MED24: variants seen among roughly 807,000 people sequenced by gnomAD.
MED24 encodes mediator complex subunit 24.
MED24 carries 74 observed loss-of-function variants against 118.8 expected under a neutral mutation model. The observed-to-expected ratio is 0.62, with a 90% CI of 0.52 to 0.76. The LOEUF (loss-of-function observed/expected upper bound fraction) is 0.76. Ranked by LOEUF, MED24 falls within the 30% of genes least tolerant of loss-of-function variation. The probability of loss-of-function intolerance (pLI) is 0.00; values close to 1 mark genes in which losing one functional copy is unlikely to be tolerated. For missense variants in MED24, 1,041 were observed against 1,278.9 expected, an observed-to-expected ratio of 0.81 and a Z score of 2.84; for synonymous variants, 521 against 523.9, an observed-to-expected ratio of 0.99 and a Z score of 0.08.
In MED24 at chr17:40,029,745, C is replaced by T; in HGVS notation, c.1266+3G>A. The T allele has an allele frequency of 6.2e-7, 1 of 1,613,548 alleles. No individual in the cohort carries two copies. The highest frequency in any genetic ancestry group is 8.5e-7 in the Non-Finnish European group (1 of 1,179,466). ...TGTGGTGGCCAGGGAAGGGCACACT[C>T]ACCTTGAGGATGTTTGTGACAGTGG... On this transcript the variant is annotated splice_donor_region_variant and intron_variant, in intron 13 of 25. Coordinates refer to ENST00000394128, the MANE Select transcript of MED24 (RefSeq NM_014815.4).
At chr17:40,051,883 A>G (rs1985888072) in intron 3 of MED24, among the ~76,000 whole-genome samples, 1 of 152,148 alleles carries the variant, frequency 6.6e-6, no homozygotes, top group Admixed American at 6.6e-5. Context: ...AGATCAAGCC[A>G]TTGCACTGCA....
chr17:40,029,949 G>T, intron 12 of MED24, 90 bp from the exon 13 acceptor site: 1 of 1,178,364 alleles, frequency 8.5e-7, no homozygotes, highest in Non-Finnish European at 1.3e-6. Context: ...AAGGAAATGC[G>T]CAGAGGAGGT....
rs143588887 is a variant in MED24, at chr17:40,035,262, A to G, written c.414T>C (p.Ser138=). ...CCAGCCCCTCCCGCAGCCGCTCTGC[A>G]GAGGCTGCCGTGCAGCGCAGCAGCC... ...LHWLLRCTAA[S]AERLREGLEA... Residue 138 remains serine (S), a synonymous_variant, in exon 6 of 26, where the codon TCT becomes TCC. Transcript: ENST00000394128. 787 of 1,613,868 alleles carry G rather than the reference A, an allele frequency of 4.9e-4. No homozygotes were observed. The highest frequency in any genetic ancestry group is 6.3e-4 in the Admixed American group (38 of 60,016).
At chr17:40,023,026 A>G (rs771083518) in intron 20 of MED24, 105 bp downstream of exon 20, 29 of 1,474,202 alleles carry the variant, frequency 2.0e-5, no homozygotes, top group Admixed American at 4.2e-5. Context: ...CGGGGAGGCC[A>G]CCTGGCTCAC....
intron 3 of MED24, among the ~76,000 whole-genome samples, chr17:40,040,225 C>T (rs973449003): frequency 9.2e-5 from 14 of 151,718 alleles, no homozygotes; most frequent in African/African-American, 1.2e-4. Flanking sequence ...ACTACAGGCA[C>T]GCGCCACCAT....
In MED24 at chr17:40,031,183, C is replaced by A. The variant is rs746797832; in HGVS notation, c.1130G>T (p.Ser377Ile). The change falls in exon 12 of 26, where the codon AGC (serine) becomes ATC (isoleucine). Residue 377 changes from serine to isoleucine, a missense_variant. Transcript: ENST00000394128. ...CCGCTTAGCCATAAGGTTGTTGACGCTGGCCTCAGACAGAAGCCCCTGCTT... is the reference window on the plus strand; with the variant it reads ...CCGCTTAGCCATAAGGTTGTTGACGATGGCCTCAGACAGAAGCCCCTGCTT... Reference protein sequence around the residue: ...CGKQGLLSEASVNNLMAKRKA... With the variant: ...CGKQGLLSEAIVNNLMAKRKA... 2 of 1,571,154 alleles carry A rather than the reference C, an allele frequency of 1.3e-6. No homozygotes were observed. The highest frequency in any genetic ancestry group is 1.9e-5 in the Admixed American group (1 of 53,338).
intron 3 of MED24, among the ~76,000 whole-genome samples, chr17:40,043,245 T>A (rs1226897787): frequency 6.6e-6 from 1 of 152,132 alleles, no homozygotes; most frequent in Non-Finnish European, 1.5e-5. Context: ...CTGTTGTTAA[T>A]AATGAGATTT....
At chr17:40,027,116 C>G (rs1383788633) in intron 16 of MED24, 82 bp from the exon 17 acceptor site, 1 of 1,510,610 alleles carries the variant, frequency 6.6e-7, no homozygotes, top group Non-Finnish European at 9.0e-7. Context: ...GCACTGTTTC[C>G]CGCCAGGCTG....
chr17:40,021,892 T>A, intron 23 of MED24, 63 bp downstream of exon 23: 1 of 1,207,964 alleles, frequency 8.3e-7, no homozygotes, highest in Non-Finnish European at 1.2e-6. Context: ...AGCGGCAGAG[T>A]GGCAGCATCG....
Position 40,019,465 on chromosome 17 carries a change from C to T in MED24, c.*64G>A, listed in dbSNP as rs1283365106. Reference sequence around the variant, plus strand: ...CACGATGCCTCATCTTTCCTCACTGCTTCCCTTGGAGGCGCCTGGGGCTGC... The same window carrying T: ...CACGATGCCTCATCTTTCCTCACTGTTTCCCTTGGAGGCGCCTGGGGCTGC... On this transcript the variant is annotated 3_prime_UTR_variant, in exon 26 of 26. Coordinates refer to ENST00000394128, the MANE Select transcript of MED24 (RefSeq NM_014815.4). The T allele has an allele frequency of 1.2e-5, 17 of 1,391,236 alleles. No individual in the cohort carries two copies. In the East Asian group the frequency reaches 3.4e-4, roughly 28 times the overall value. 86.2% of individuals were successfully genotyped at this position (1,391,236 alleles called of 1,614,324 possible).
intron 3 of MED24, among the ~76,000 whole-genome samples, chr17:40,052,721 C>T (rs1985986381): frequency 6.6e-6 from 1 of 152,098 alleles, no homozygotes; most frequent in African/African-American, 2.4e-5. Context: ...CCTACCTCCA[C>T]CTTCTGAGTA....
intron 3 of MED24, among the ~76,000 whole-genome samples, chr17:40,044,535 A>T (rs918558390): frequency 1.3e-5 from 2 of 150,760 alleles, no homozygotes; most frequent in Non-Finnish European, 3.0e-5. Context: ...AAAAAGAAAG[A>T]AAAGAAAATG....
chr17:40,027,555 A>G (rs988897601), intron 15 of MED24, 90 bp from the exon 16 acceptor site: 4 of 1,297,634 alleles, frequency 3.1e-6, no homozygotes, highest in Non-Finnish European at 4.3e-6. Flanking sequence ...GCCTCTAGGA[A>G]GGTCAGGGAC....
intron 1 of MED24, chr17:40,053,972 A>G: frequency 2.5e-6 from 1 of 400,698 alleles, no homozygotes. Context: ...CTCCACTAAA[A>G]ATACAAAATT....
At chr17:40,049,856 GA>G (rs1236004423) in intron 3 of MED24, among the ~76,000 whole-genome samples, 1 of 151,414 alleles carries the variant, frequency 6.6e-6, no homozygotes, top group African/African-American at 2.4e-5. Context: ...GTGTAAAAGA[GA>G]TACACATTCA....
At chr17:40,026,025 A>C in intron 19 of MED24, 131 bp downstream of exon 19, 1 of 919,346 alleles carries the variant, frequency 1.1e-6, no homozygotes, top group Non-Finnish European at 1.6e-6. Context: ...TGAATGCATG[A>C]ATAGGAAAGT....
chr17:40,021,340 A>G (rs1261997162), intron 23 of MED24: 1 of 152,294 alleles, frequency 6.6e-6, no homozygotes, highest in Non-Finnish European at 1.5e-5. Context: ...CTTCTGATCA[A>G]GTGTATAGTT....
intron 23 of MED24, among the ~76,000 whole-genome samples, chr17:40,021,737 T>A (rs979160801): frequency 6.6e-6 from 1 of 152,190 alleles, no homozygotes. Flanking sequence ...GGGCTGGACC[T>A]GGGCAGAGGA....
At chr17:40,044,878 C>CAAA (rs5820328) in intron 3 of MED24, among the ~76,000 whole-genome samples, 8,121 of 113,486 alleles carry the variant, frequency 0.072, 908 homozygotes, top group African/African-American at 0.27. Flanking sequence ...GACTCCATCT[C>CAAA]AAAAAAAAAA....
Sources: gnomAD v4.1 joint callset for allele counts (sites outside exome capture counted in the v4.1 genomes callset) on GRCh38, gnomAD v4.1.1 for gene constraint, MANE v1.5 for transcripts, NCBI Gene and HGNC (gene_info 2026-07-23, HGNC 2026-07-21) for gene names.